Variants in CYP2J2 observed in about 807,000 individuals in gnomAD.
CYP2J2 encodes cytochrome P450 family 2 subfamily J member 2, also known as cytochrome P450 2J2.
Under a neutral mutation model 48.8 loss-of-function variants are expected in CYP2J2, and 41 were observed. The ratio of observed to expected loss-of-function variants is 0.84; its 90% CI spans 0.66 to 1.09. The LOEUF is 1.09. Among genes scored for constraint, CYP2J2 ranks in the 50% least tolerant of loss-of-function variants. The pLI, the probability that CYP2J2 is intolerant of heterozygous loss-of-function variation, is 0.00. For missense variants in CYP2J2, 644 were observed against 617.3 expected (o/e 1.04, Z -0.46); for synonymous variants, 221 against 227.1 (o/e 0.97, Z 0.24).
chr1:59,965,776 C>A, the CYP2J2 span, among the ~76,000 whole-genome samples: 1 of 152,060 alleles, frequency 6.6e-6, no homozygotes, highest in African/African-American at 2.4e-5. Flanking sequence ...CTCAGGCTCC[C>A]GAGTAGCTGG....
At chr1:59,939,433 AAT>A in the CYP2J2 span, among the ~76,000 whole-genome samples, 1 of 152,214 alleles carries the variant, frequency 6.6e-6, no homozygotes, top group African/African-American at 2.4e-5. Flanking sequence ...CTCTCAAACA[AAT>A]AGAGTCTCTC....
the CYP2J2 span, among the ~76,000 whole-genome samples, chr1:59,939,414 T>G: frequency 6.6e-6 from 1 of 152,170 alleles, no homozygotes; most frequent in Non-Finnish European, 1.5e-5. Flanking sequence ...TGTTCTCTGC[T>G]CTTAGTTTCT....
At chr1:59,924,885 C>T (rs1032696766) in intron 1 of CYP2J2, among the ~76,000 whole-genome samples, 1 of 151,346 alleles carries the variant, frequency 6.6e-6, no homozygotes, top group Non-Finnish European at 1.5e-5. Context: ...AAAAAAAGAC[C>T]CAAGTATATG....
chr1:59,911,531 C>G (rs1360087263), intron 4 of CYP2J2, 77 bp downstream of exon 4: 10 of 1,107,154 alleles, frequency 9.0e-6, no homozygotes, highest in Non-Finnish European at 1.2e-5. Context: ...CCAAAAAAAA[C>G]TAAAAGGAAA....
intron 5 of CYP2J2, among the ~76,000 whole-genome samples, chr1:59,909,171 C>T (rs1644389571): frequency 6.6e-6 from 1 of 152,138 alleles, no homozygotes; most frequent in Admixed American, 6.6e-5. Context: ...ATCATCAATC[C>T]TGAGTTAATG....
chr1:59,911,756 T>C lies in CYP2J2; in HGVS notation c.536A>G (p.Asp179Gly), dbSNP rs1339688708. The C allele has an allele frequency of 6.2e-7, 1 of 1,612,650 alleles. No homozygotes were observed. Among genetic ancestry groups the C allele is most frequent in the East Asian group, 2.2e-5 (1 of 44,852 alleles). Residue 179 changes from aspartate to glycine, a missense_variant, in exon 4 of 9, where the codon GAC becomes GGC. Coordinates refer to ENST00000371204, the MANE Select transcript of CYP2J2 (RefSeq NM_000775.4). ...AIKEENGQPF[D>G]PHFKINNAVS... Reference sequence around the variant, plus strand: ...TGCATTGTTGATCTTGAAATGAGGGTCAAAAGGCTGTCCTGAAGGTGGAGG... The same window carrying C: ...TGCATTGTTGATCTTGAAATGAGGGCCAAAAGGCTGTCCTGAAGGTGGAGG...
At chr1:59,942,923 C>T in the CYP2J2 span, among the ~76,000 whole-genome samples, 1 of 152,004 alleles carries the variant, frequency 6.6e-6, no homozygotes, top group Non-Finnish European at 1.5e-5. Flanking sequence ...TCTTATGAAC[C>T]CCGTTTTACA....
At position 59,921,359 on chromosome 1, in the gene CYP2J2, G is replaced by A. The variant is rs562616578; in HGVS notation, c.210+5178C>T. Reference sequence around the variant, plus strand: ...TTGTGTAAAGACAATGCCAGGTTGGGCTGCCAGAATGAGCCAACAGTGCCT... The same window carrying A: ...TTGTGTAAAGACAATGCCAGGTTGGACTGCCAGAATGAGCCAACAGTGCCT... On this transcript the variant is annotated intron_variant, in intron 1 of 8. Coordinates refer to ENST00000371204, the MANE Select transcript of CYP2J2 (RefSeq NM_000775.4). Among the ~76,000 whole-genome samples the A allele has an allele frequency of 1.1e-4, 17 of 152,250 alleles. No individual in the cohort carries two copies. The South Asian group carries it at 3.3e-3, about 30-fold the overall frequency.
intron 3 of CYP2J2, 91 bp downstream of exon 3, chr1:59,912,071 G>T: frequency 1.5e-6 from 2 of 1,350,402 alleles, no homozygotes; most frequent in Non-Finnish European, 1.0e-6. Context: ...CACAGTGCTG[G>T]GCATAGAACA....
At position 59,907,915 on chromosome 1, in the gene CYP2J2, G is replaced by C. The variant is rs779118361; in HGVS notation, c.874C>G (p.Pro292Ala). 1 of 1,614,018 alleles carries C rather than the reference G, an allele frequency of 6.2e-7. No individual in the cohort carries two copies. Among genetic ancestry groups the C allele is most frequent in the African/African-American group, 1.3e-5 (1 of 75,018 alleles). The change falls in exon 6 of 9, where the codon CCT (proline) becomes GCT (alanine). Residue 292 changes from proline (P) to alanine (A), a missense_variant. Transcript: ENST00000371204. ...TTTTCTTCATGGAAACTTGAAGTAG[G>C]ATTGCCTGTGTGCTAGAAAACACAA... ...LKEMSKHTGN[P>A]TSSFHEENLI...
chr1:59,900,688 A>T lies in CYP2J2; in HGVS notation c.1330+277T>A, dbSNP rs11572306. Among the ~76,000 whole-genome samples the T allele has an allele frequency of 1.7e-3, 255 of 152,074 alleles. 2 individuals are homozygous for T. The highest frequency in any genetic ancestry group is 0.012 in the East Asian group (63 of 5,170). On this transcript the variant is annotated intron_variant, in intron 8 of 8. Coordinates refer to ENST00000371204, the MANE Select transcript of CYP2J2 (RefSeq NM_000775.4). The stretch of plus-strand genomic sequence containing the variant: ...AATCCTCTTTGTGAGCTGGTGGTGG[A>T]GTCTGGATCTCTGTCACCAGTTTTC...
the CYP2J2 span, among the ~76,000 whole-genome samples, chr1:59,938,614 C>A: frequency 6.6e-6 from 1 of 152,220 alleles, no homozygotes; most frequent in Non-Finnish European, 1.5e-5. Flanking sequence ...AACAAATGTA[C>A]AATCGGGTTT....
At chr1:59,938,471 G>A in the CYP2J2 span, among the ~76,000 whole-genome samples, 1 of 152,234 alleles carries the variant, frequency 6.6e-6, no homozygotes, top group Non-Finnish European at 1.5e-5. Flanking sequence ...ACTATGCCTG[G>A]ATGTGCACGT....
chr1:59,956,267 T>G, the CYP2J2 span, among the ~76,000 whole-genome samples: 2 of 152,072 alleles, frequency 1.3e-5, no homozygotes, highest in Non-Finnish European at 2.9e-5. Context: ...AAATAAAAAG[T>G]AAAGAGAAAA....
chr1:59,899,407 T>G (rs1162749102), intron 8 of CYP2J2, among the ~76,000 whole-genome samples: 1 of 152,164 alleles, frequency 6.6e-6, no homozygotes, highest in African/African-American at 2.4e-5. Flanking sequence ...CAGAGACACC[T>G]AAGGCAACAC....
At chr1:59,962,243 A>G in the CYP2J2 span, among the ~76,000 whole-genome samples, 1 of 152,218 alleles carries the variant, frequency 6.6e-6, no homozygotes, top group African/African-American at 2.4e-5. Flanking sequence ...ACTGAAGGAT[A>G]TGTTGCATTG....
chr1:59,934,460 TA>T, the CYP2J2 span, among the ~76,000 whole-genome samples: 2 of 152,228 alleles, frequency 1.3e-5, no homozygotes, highest in East Asian at 1.9e-4. Context: ...GTGTATCTGA[TA>T]GGGGGTTGAT....
At chr1:59,913,568 T>G (rs1644438173) in intron 2 of CYP2J2, among the ~76,000 whole-genome samples, 1 of 152,182 alleles carries the variant, frequency 6.6e-6, no homozygotes, top group African/African-American at 2.4e-5. Context: ...CCCATTTGAG[T>G]GTCACCTCAA....
Position 59,909,925 on chromosome 1 carries a change from C to T in CYP2J2, c.720G>A (p.Leu240=), listed in dbSNP as rs1206969281. Residue 240 remains leucine, a synonymous_variant, in exon 5 of 9, where the codon CTG becomes CTA. Coordinates refer to ENST00000371204, the MANE Select transcript of CYP2J2 (RefSeq NM_000775.4). The part of the protein sequence containing the change: ...YNVFPWIMKF[L]PGPHQTLFSN... ...TGAAGAGAGTTTGGTGGGGTCCAGG[C>T]AGGAATTTCATTATCCATGGAAAGA... is the stretch of plus-strand genomic sequence containing the variant. The T allele has an allele frequency of 6.2e-7, 1 of 1,609,660 alleles. No homozygotes were observed. Among genetic ancestry groups the T allele is most frequent in the South Asian group, 1.1e-5 (1 of 89,926 alleles).
Sources: allele counts gnomAD v4.1 joint callset (sites outside exome capture counted in the v4.1 genomes callset), GRCh38; gene constraint gnomAD v4.1.1; transcripts MANE v1.5; gene names NCBI Gene and HGNC (gene_info 2026-07-23, HGNC 2026-07-21).